TCF12: variants seen among roughly 807,000 people sequenced by gnomAD.
The protein encoded by TCF12 is DNA-binding protein HTF4.
TCF12 carries 45 observed loss-of-function variants against 86.0 expected under a neutral mutation model. The ratio of observed to expected loss-of-function variants is 0.52; its 90% CI spans 0.41 to 0.67. TCF12 has a LOEUF of 0.67. Among genes scored for constraint, TCF12 ranks in the 30% least tolerant of loss-of-function variants. TCF12 has a pLI of 0.00. For synonymous variants in TCF12, 330 were observed against 299.6 expected (o/e 1.10, Z -1.05); for missense variants, 881 against 859.9 (o/e 1.02, Z -0.31).
intron 3 of TCF12, among the ~76,000 whole-genome samples, chr15:57,039,264 C>T (rs1444240352): frequency 3.3e-5 from 5 of 152,120 alleles, no homozygotes; most frequent in Admixed American, 1.3e-4. Flanking sequence ...AGGTCATTAC[C>T]TGATGTCTAA....
At chr15:56,935,444 A>G (rs894816987) in intron 3 of TCF12, among the ~76,000 whole-genome samples, 3 of 152,006 alleles carry the variant, frequency 2.0e-5, no homozygotes, top group Admixed American at 6.6e-5. Context: ...GGAGGGTCTC[A>G]TATGTGCCCT....
chr15:57,109,569 GTTAAC>G (rs2050354736), intron 5 of TCF12, among the ~76,000 whole-genome samples: 1 of 152,020 alleles, frequency 6.6e-6, no homozygotes, highest in South Asian at 2.1e-4. Flanking sequence ...CTTATAGTTA[GTTAAC>G]TTAAACCTGT....
intron 3 of TCF12, among the ~76,000 whole-genome samples, chr15:56,934,839 G>C (rs182629730): frequency 1.3e-5 from 2 of 152,228 alleles, no homozygotes; most frequent in Admixed American, 1.3e-4. Context: ...CTTCATAGGA[G>C]CTATTTGCTG....
chr15:57,192,234 A>T lies in TCF12; in HGVS notation c.467A>T (p.Tyr156Phe), dbSNP rs1269989467. Reference sequence around the variant, plus strand: ...TCTTCAGGAAAACCTGGGACAGCATACTATTCATTCTCTGCTACAAGTTCC... The same window carrying T: ...TCTTCAGGAAAACCTGGGACAGCATTCTATTCATTCTCTGCTACAAGTTCC... ...LSSSGKPGTA[Y>F]YSFSATSSRR... Residue 156 changes from tyrosine (Y) to phenylalanine (F), a missense_variant, in exon 7 of 21, where the codon TAC becomes TTC. By Grantham distance (22) the Tyr-to-Phe change is conservative. Coordinates refer to ENST00000333725, the MANE Select transcript of TCF12 (RefSeq NM_207037.2). 2 of 1,614,120 alleles carry T rather than the reference A, an allele frequency of 1.2e-6. No individual in the cohort carries two copies. The highest frequency in any genetic ancestry group is 2.2e-5 in the South Asian group (2 of 91,086).
At chr15:57,164,367 A>G (rs1305398192) in intron 5 of TCF12, among the ~76,000 whole-genome samples, 7 of 152,352 alleles carry the variant, frequency 4.6e-5, no homozygotes, top group African/African-American at 1.7e-4. Context: ...ACAGTTCAAC[A>G]TGGCTGGGGA....
intron 3 of TCF12, among the ~76,000 whole-genome samples, chr15:57,022,548 G>A (rs564486374): frequency 6.6e-6 from 1 of 152,266 alleles, no homozygotes; most frequent in South Asian, 2.1e-4. Flanking sequence ...TGTCTTTATA[G>A]CAGCATGATT....
intron 5 of TCF12, among the ~76,000 whole-genome samples, chr15:57,164,506 C>G (rs1009309372): frequency 2.6e-5 from 4 of 152,116 alleles, no homozygotes; most frequent in African/African-American, 9.6e-5. Flanking sequence ...CTTGTGAGAA[C>G]TCACTATCAT....
chr15:57,246,940 T>C (rs2059891382), intron 13 of TCF12: 1 of 529,820 alleles, frequency 1.9e-6, no homozygotes, highest in African/African-American at 1.9e-5. Context: ...CTAAGAACTG[T>C]AGCCCTTTTC....
At chr15:57,075,804 T>TCTCTCTCTCTCTCTCTCTCTCTCTCTCTC (rs1567370603) in intron 4 of TCF12, among the ~76,000 whole-genome samples, 3 of 28,602 alleles carry the variant, frequency 1.0e-4, no homozygotes, top group Admixed American at 3.8e-4. Context: ...CTTTCTTTCT[T>TCTCTCTCTCTCTCTCTCTCTCTCTCTCTC]TCTCTCTCTC....
intron 6 of TCF12, among the ~76,000 whole-genome samples, chr15:57,171,537 G>T (rs1450391249): frequency 6.6e-6 from 1 of 152,162 alleles, no homozygotes; most frequent in South Asian, 2.1e-4. Context: ...TCCCCAAGGA[G>T]CATTAACTCT....
intron 3 of TCF12, among the ~76,000 whole-genome samples, chr15:56,955,038 A>G (rs2061444870): frequency 6.6e-6 from 1 of 152,222 alleles, no homozygotes; most frequent in Non-Finnish European, 1.5e-5. Flanking sequence ...TGACCCAGCC[A>G]TCCCATTACT....
intron 3 of TCF12, among the ~76,000 whole-genome samples, chr15:56,964,988 C>G (rs1258685588): frequency 6.6e-6 from 1 of 152,160 alleles, no homozygotes; most frequent in Non-Finnish European, 1.5e-5. Context: ...TTCCCAACCA[C>G]TATTCATTTA....
chr15:56,995,906 A>G (rs1428491267), intron 3 of TCF12, among the ~76,000 whole-genome samples: 1 of 152,072 alleles, frequency 6.6e-6, no homozygotes, highest in African/African-American at 2.4e-5. Flanking sequence ...ATTCAGTATG[A>G]TATTAGCTGT....
intron 5 of TCF12, among the ~76,000 whole-genome samples, chr15:57,108,835 C>T (rs572100139): frequency 4.2e-4 from 64 of 152,072 alleles, no homozygotes; most frequent in Non-Finnish European, 7.9e-4. Flanking sequence ...TACAAAGAGC[C>T]AATAACAAAT....
At chr15:57,172,346 A>G (rs578029622) in intron 6 of TCF12, among the ~76,000 whole-genome samples, 1 of 152,348 alleles carries the variant, frequency 6.6e-6, no homozygotes, top group East Asian at 1.9e-4. Flanking sequence ...TAGACAAAAA[A>G]CTTAGTAAAG....
chr15:57,076,450 C>G (rs1466060706), intron 4 of TCF12, among the ~76,000 whole-genome samples: 3 of 152,016 alleles, frequency 2.0e-5, no homozygotes, highest in African/African-American at 7.2e-5. Flanking sequence ...GTCAGGAGAT[C>G]AAGACCATCC....
intron 5 of TCF12, among the ~76,000 whole-genome samples, chr15:57,130,123 A>G (rs1432638625): frequency 6.6e-6 from 1 of 152,196 alleles, no homozygotes; most frequent in African/African-American, 2.4e-5. Context: ...GTGCCTAAGG[A>G]ACTGTGTTTT....
intron 6 of TCF12, among the ~76,000 whole-genome samples, chr15:57,185,247 G>T (rs1251404424): frequency 6.6e-6 from 1 of 152,208 alleles, no homozygotes; most frequent in Non-Finnish European, 1.5e-5. Flanking sequence ...AAGATGTGAT[G>T]AATGACCTTT....
At chr15:57,037,062 A>G (rs1047670977) in intron 3 of TCF12, among the ~76,000 whole-genome samples, 1 of 152,206 alleles carries the variant, frequency 6.6e-6, no homozygotes, top group African/African-American at 2.4e-5. Context: ...TTTAAAGTGT[A>G]ATCATTTTCT....
Sources: allele counts gnomAD v4.1 joint callset (sites outside exome capture counted in the v4.1 genomes callset), GRCh38; gene constraint gnomAD v4.1.1; transcripts MANE v1.5; gene names NCBI Gene and HGNC (gene_info 2026-07-23, HGNC 2026-07-21).